MEF2C: variants seen among roughly 807,000 people sequenced by gnomAD.
MEF2C encodes the protein myocyte-specific enhancer factor 2C.
A neutral mutation model predicts 50.5 loss-of-function variants in MEF2C; 6 were observed. The ratio of observed to expected loss-of-function variants is 0.12; its 90% confidence interval spans 0.07 to 0.23. The LOEUF (loss-of-function observed/expected upper bound fraction) is 0.23. Among genes scored for constraint, MEF2C ranks in the 10% least tolerant of loss-of-function variants. The pLI is 1.00. For missense variants in MEF2C, 276 were observed against 605.0 expected, an observed-to-expected ratio of 0.46 and a Z score of 5.70; for synonymous variants, 183 against 228.0, an observed-to-expected ratio of 0.80 and a Z score of 1.78.
chr5:88,751,197 T>A, intron 5 of MEF2C: 1 of 980,582 alleles, frequency 1.0e-6, no homozygotes, highest in Non-Finnish European at 1.2e-6. Context: ...TAAGAATGGA[T>A]GAACTTTTTC....
intron 1 of MEF2C, among the ~76,000 whole-genome samples, chr5:88,848,073 C>G (rs979821987): frequency 3.9e-5 from 6 of 152,088 alleles, no homozygotes; most frequent in Non-Finnish European, 8.8e-5. Context: ...AGCGATTGGG[C>G]ATAAAATGTA....
In MEF2C at chr5:88,804,661, C is replaced by A. The variant is rs1186763422; in HGVS notation, c.195G>T (p.Val65=). The A allele has an allele frequency of 4.3e-6, 7 of 1,614,124 alleles. No individual in the cohort carries two copies. The highest frequency in any genetic ancestry group is 4.2e-6 in the Non-Finnish European group (5 of 1,180,014). ...CGTTGTACTCCGTGTACTTGAGAAG[C>A]ACTTTGTCCATGTCGGTGCTGGCAT... ...FQYASTDMDK[V]LLKYTEYNEP... The change falls in exon 3 of 11, where the codon GTG becomes GTT. Residue 65 remains valine, a synonymous_variant. Coordinates refer to ENST00000504921, the MANE Select transcript of MEF2C (RefSeq NM_002397.5).
chr5:88,834,707 G>C (rs1015836449), intron 1 of MEF2C, among the ~76,000 whole-genome samples: 1 of 152,154 alleles, frequency 6.6e-6, no homozygotes, highest in South Asian at 2.1e-4. Context: ...CCACAATGGA[G>C]TCAGACATTA....
chr5:88,743,984 C>G (rs1768118019), intron 6 of MEF2C: 4 of 951,966 alleles, frequency 4.2e-6, no homozygotes, highest in Non-Finnish European at 1.3e-6. Context: ...GTAAAATTAT[C>G]TTAAATGTTC....
intron 6 of MEF2C, chr5:88,740,180 C>T: frequency 1.0e-6 from 1 of 984,716 alleles, no homozygotes; most frequent in African/African-American, 1.8e-5. Context: ...AATTTCATAT[C>T]TAGCCTATTT....
intron 6 of MEF2C, chr5:88,734,378 G>T (rs1357177586): frequency 2.3e-5 from 23 of 985,290 alleles, no homozygotes; most frequent in Non-Finnish European, 2.8e-5. Flanking sequence ...GCAGTGCAAT[G>T]AAGCTTGAAT....
At chr5:88,794,491 TG>T (rs1281113122) in intron 3 of MEF2C, among the ~76,000 whole-genome samples, 1 of 152,194 alleles carries the variant, frequency 6.6e-6, no homozygotes, top group African/African-American at 2.4e-5. Flanking sequence ...TTGATGGGGT[TG>T]TTTTTTTCCT....
chr5:88,764,173 T>C (rs1318467757), intron 3 of MEF2C, among the ~76,000 whole-genome samples: 2 of 152,230 alleles, frequency 1.3e-5, no homozygotes, highest in Non-Finnish European at 2.9e-5. Context: ...CATACATGTG[T>C]GCTAAATATT....
chr5:88,888,893 T>C (rs1028902215), intron 1 of MEF2C: 12 of 152,314 alleles, frequency 7.9e-5, no homozygotes, highest in Middle Eastern at 6.8e-3. Context: ...ACTTACAAAA[T>C]TGTTAAATGT....
chr5:88,737,248 G>T, intron 6 of MEF2C: 1 of 985,234 alleles, frequency 1.0e-6, no homozygotes, highest in Non-Finnish European at 1.2e-6. Flanking sequence ...ATTGCAAATT[G>T]ATGACCAAGT....
intron 3 of MEF2C, among the ~76,000 whole-genome samples, chr5:88,793,135 CTG>C (rs1794540269): frequency 6.6e-6 from 1 of 152,132 alleles, no homozygotes; most frequent in South Asian, 2.1e-4. Flanking sequence ...CACATGATGA[CTG>C]TAATACAGGG....
intron 6 of MEF2C, chr5:88,740,662 C>G: frequency 2.0e-6 from 2 of 982,304 alleles, no homozygotes; most frequent in Non-Finnish European, 2.4e-6. Context: ...AATTGACAAT[C>G]TGATGTCTCC....
At chr5:88,891,298 G>A in intron 1 of MEF2C, among the ~76,000 whole-genome samples, 1 of 151,106 alleles carries the variant, frequency 6.6e-6, no homozygotes, top group East Asian at 1.9e-4. Flanking sequence ...TTTTAGCAAA[G>A]CATAATCTTT....
rs540078454 is a variant in MEF2C at position 88,718,929 on chromosome 5, A to G, written c.*3675T>C. 2.0e-5 allele frequency: 3 copies of G among 152,376 alleles called. No homozygotes were observed. The highest frequency in any genetic ancestry group is 4.1e-4 in the South Asian group (2 of 4,826). 9.4% of individuals were successfully genotyped at this position (152,376 alleles called of 1,614,324 possible). ...TGTAGTGGCAGGAAATTAACGCCATAAAAGTGACGACATCACGGCAGATGG... is the reference window on the plus strand; with the variant it reads ...TGTAGTGGCAGGAAATTAACGCCATGAAAGTGACGACATCACGGCAGATGG... On this transcript the variant is annotated 3_prime_UTR_variant, in exon 11 of 11. Transcript: ENST00000504921.
At chr5:88,723,379 A>G (rs1757105468) in intron 10 of MEF2C, among the ~76,000 whole-genome samples, 1 of 152,252 alleles carries the variant, frequency 6.6e-6, no homozygotes. Context: ...AAAGCTTATT[A>G]TCAATATAAA....
At chr5:88,880,204 G>T (rs1458642284) in intron 1 of MEF2C, among the ~76,000 whole-genome samples, 3 of 151,968 alleles carry the variant, frequency 2.0e-5, no homozygotes, top group Non-Finnish European at 2.9e-5. Context: ...CGTGTATTTT[G>T]ATAAGTTTTA....
chr5:88,769,861 G>C (rs1217267136), intron 3 of MEF2C: 1 of 633,264 alleles, frequency 1.6e-6, no homozygotes, highest in African/African-American at 2.0e-5. Flanking sequence ...GTCCAGGCTG[G>C]TCTTGAACTC....
intron 6 of MEF2C, 113 bp downstream of exon 6, chr5:88,748,957 A>T: frequency 2.0e-6 from 3 of 1,527,884 alleles, no homozygotes; most frequent in Non-Finnish European, 1.8e-6. Flanking sequence ...TCATTTTTCC[A>T]TGCCTCTCAC....
intron 2 of MEF2C, among the ~76,000 whole-genome samples, chr5:88,806,093 C>T (rs937666730): frequency 6.6e-6 from 1 of 151,898 alleles, no homozygotes; most frequent in African/African-American, 2.4e-5. Flanking sequence ...TCGTTTGTTT[C>T]TTTGCATATT....
Sources: allele counts gnomAD v4.1 joint callset (sites outside exome capture counted in the v4.1 genomes callset), GRCh38; gene constraint gnomAD v4.1.1; transcripts MANE v1.5; gene names NCBI Gene and HGNC (gene_info 2026-07-23, HGNC 2026-07-21).